Variants in NRXN3 observed in about 807,000 individuals in gnomAD.
NRXN3 encodes the protein neurexin 3.
A neutral mutation model predicts 137.6 loss-of-function variants in NRXN3; 32 were observed. That is an observed-to-expected ratio of 0.23 (90% CI 0.18 to 0.31). The LOEUF (loss-of-function observed/expected upper bound fraction) is 0.31. NRXN3 is among the 10% of genes least tolerant of loss of function. The pLI is 1.00. For missense variants in NRXN3, 1,574 were observed against 2,062.5 expected, an observed-to-expected ratio of 0.76 and a Z score of 4.59; for synonymous variants, 798 against 784.5, an observed-to-expected ratio of 1.02 and a Z score of -0.29.
intron 16 of NRXN3, among the ~76,000 whole-genome samples, chr14:79,512,046 T>G (rs1390971142): frequency 1.3e-5 from 2 of 152,128 alleles, no homozygotes; most frequent in Non-Finnish European, 2.9e-5. Flanking sequence ...ATTACAGGTG[T>G]GTGCCACCAT....
chr14:79,039,795 A>T (rs2099622139), intron 15 of NRXN3, among the ~76,000 whole-genome samples: 1 of 152,090 alleles, frequency 6.6e-6, no homozygotes, highest in Non-Finnish European at 1.5e-5. Context: ...GGGCTCAAGC[A>T]ATCCTCTCAT....
At chr14:79,713,768 A>C (rs1159109076) in intron 19 of NRXN3, among the ~76,000 whole-genome samples, 2 of 149,654 alleles carry the variant, frequency 1.3e-5, no homozygotes, top group Admixed American at 1.3e-4. Context: ...AATCATGTTC[A>C]TTTCTTAGCC....
At chr14:78,949,131 A>G (rs2099380086) in intron 10 of NRXN3, among the ~76,000 whole-genome samples, 1 of 152,166 alleles carries the variant, frequency 6.6e-6, no homozygotes, top group Non-Finnish European at 1.5e-5. Context: ...AAGAATATAT[A>G]TTAAAAGGAA....
At chr14:79,610,011 T>C (rs1189613743) in intron 16 of NRXN3, among the ~76,000 whole-genome samples, 2 of 152,120 alleles carry the variant, frequency 1.3e-5, no homozygotes, top group African/African-American at 4.8e-5. Context: ...TACGGGTTGA[T>C]GGGTGCAGCA....
intron 15 of NRXN3, among the ~76,000 whole-genome samples, chr14:79,205,209 G>T (rs1429707426): frequency 6.6e-6 from 1 of 152,170 alleles, no homozygotes; most frequent in Non-Finnish European, 1.5e-5. Context: ...ACTTGAAAAT[G>T]GAATGCCCTG....
intron 8 of NRXN3, among the ~76,000 whole-genome samples, chr14:78,797,786 A>G (rs1184654943): frequency 2.0e-5 from 3 of 152,200 alleles, no homozygotes; most frequent in African/African-American, 7.2e-5. Context: ...CCTCACAATC[A>G]TATTGGAAGG....
chr14:78,901,734 G>A (rs1047318427), intron 10 of NRXN3, among the ~76,000 whole-genome samples: 2 of 151,868 alleles, frequency 1.3e-5, no homozygotes, highest in African/African-American at 4.8e-5. Context: ...GGGCCAGATG[G>A]GGCACAGGCT....
At chr14:78,760,084 C>G (rs542535473) in intron 8 of NRXN3, among the ~76,000 whole-genome samples, 78 of 143,600 alleles carry the variant, frequency 5.4e-4, no homozygotes, top group Admixed American at 1.4e-3. Context: ...TCTTGTTGCC[C>G]TGGCTGGAGT....
chr14:78,465,159 C>T (rs1428074344), intron 4 of NRXN3, among the ~76,000 whole-genome samples: 1 of 151,732 alleles, frequency 6.6e-6, no homozygotes, highest in Non-Finnish European at 1.5e-5. Context: ...GGAGAAGATA[C>T]TAGATGCATA....
At chr14:79,295,784 C>T (rs1268242808) in intron 15 of NRXN3, among the ~76,000 whole-genome samples, 1 of 152,160 alleles carries the variant, frequency 6.6e-6, no homozygotes, top group Non-Finnish European at 1.5e-5. Context: ...TGGTAGACTG[C>T]TACTAATTTT....
chr14:78,884,309 G>C (rs1018011824), intron 10 of NRXN3, among the ~76,000 whole-genome samples: 1 of 151,762 alleles, frequency 6.6e-6, no homozygotes, highest in African/African-American at 2.4e-5. Context: ...TTTAATCCTG[G>C]GATATGGAAG....
intron 15 of NRXN3, among the ~76,000 whole-genome samples, chr14:79,350,801 G>T (rs1376812329): frequency 6.6e-6 from 1 of 152,068 alleles, no homozygotes; most frequent in African/African-American, 2.4e-5. Flanking sequence ...GCCATTTCAG[G>T]CCTTTTATGC....
intron 16 of NRXN3, among the ~76,000 whole-genome samples, chr14:79,587,760 C>A (rs1285303520): frequency 6.6e-6 from 1 of 152,124 alleles, no homozygotes; most frequent in African/African-American, 2.4e-5. Context: ...CAAACACCAG[C>A]AAATCTTGGT....
intron 15 of NRXN3, among the ~76,000 whole-genome samples, chr14:79,065,260 G>T (rs919937361): frequency 2.0e-5 from 3 of 151,984 alleles, no homozygotes; most frequent in Non-Finnish European, 2.9e-5. Flanking sequence ...GATAACATTT[G>T]ATTTAGATTC....
chr14:79,563,153 A>G (rs1004206571), intron 16 of NRXN3, among the ~76,000 whole-genome samples: 3 of 152,192 alleles, frequency 2.0e-5, no homozygotes, highest in Non-Finnish European at 4.4e-5. Context: ...TTGAAAGTAG[A>G]TGAAAGACTT....
Position 79,605,072 on chromosome 14 carries a change from A to T in NRXN3, c.3445-58706A>T, listed in dbSNP as rs1030565886. Reference sequence around the variant, plus strand: ...ATAATAAGTAAAAAATAAAAACACCATTCAATTTATAGTTAGCATGAAGCT... The same window carrying T: ...ATAATAAGTAAAAAATAAAAACACCTTTCAATTTATAGTTAGCATGAAGCT... On this transcript the variant is annotated intron_variant, in intron 16 of 20. Coordinates refer to ENST00000335750, the MANE Select transcript of NRXN3 (RefSeq NM_001330195.2). Among the ~76,000 whole-genome samples the T allele has an allele frequency of 7.2e-5, 11 of 152,094 alleles. No homozygotes were observed. The South Asian group carries it at 1.2e-3, about 17-fold the overall frequency.
At chr14:78,599,196 C>T (rs886549420) in intron 4 of NRXN3, among the ~76,000 whole-genome samples, 10 of 152,226 alleles carry the variant, frequency 6.6e-5, no homozygotes, top group Non-Finnish European at 1.3e-4. Flanking sequence ...TCTACTTCCT[C>T]TTCCAAGAGT....
At chr14:79,368,227 T>C (rs1387279076) in intron 15 of NRXN3, among the ~76,000 whole-genome samples, 1 of 152,190 alleles carries the variant, frequency 6.6e-6, no homozygotes, top group Non-Finnish European at 1.5e-5. Flanking sequence ...CCAAATTTCA[T>C]GTGGCTATGG....
chr14:78,655,934 A>AAAGAG (rs2097781003), intron 6 of NRXN3, among the ~76,000 whole-genome samples: 2 of 152,194 alleles, frequency 1.3e-5, no homozygotes, highest in South Asian at 4.2e-4. Flanking sequence ...CACATGGAAA[A>AAAGAG]AAGAGGATAA....
Sources: gnomAD v4.1 joint callset for allele counts (sites outside exome capture counted in the v4.1 genomes callset) on GRCh38, gnomAD v4.1.1 for gene constraint, MANE v1.5 for transcripts, NCBI Gene and HGNC (gene_info 2026-07-23, HGNC 2026-07-21) for gene names.